Variants in CCDC83 observed in about 807,000 individuals in gnomAD.
CCDC83 encodes coiled-coil domain containing 83, also known as coiled-coil domain-containing protein 83.
In CCDC83, 54 loss-of-function variants were observed where a neutral mutation model predicts 50.1. The observed-to-expected ratio is 1.08, with a 90% CI of 0.87 to 1.35. The LOEUF (loss-of-function observed/expected upper bound fraction) is 1.35, where lower values mean the gene tolerates loss of function less well. Ranked by LOEUF, CCDC83 falls within the 40% of genes most tolerant of loss-of-function variation. CCDC83 has a pLI of 0.00. For synonymous variants in CCDC83, 161 were observed against 153.3 expected, an observed-to-expected ratio of 1.05 and a Z score of -0.37; for missense variants, 518 against 473.9, an observed-to-expected ratio of 1.09 and a Z score of -0.86.
At chr11:85,886,142 G>A in intron 4 of CCDC83, 58 bp from the exon 5 acceptor site, 1 of 1,334,928 alleles carries the variant, frequency 7.5e-7, no homozygotes, top group Non-Finnish European at 9.9e-7. Flanking sequence ...AAACCAGATT[G>A]CAACATATAA....
intron 5 of CCDC83, among the ~76,000 whole-genome samples, chr11:85,894,795 T>C (rs1327980530): frequency 6.6e-6 from 1 of 152,244 alleles, no homozygotes; most frequent in Non-Finnish European, 1.5e-5. Flanking sequence ...TCCAGCTTTC[T>C]TATTCTCCAC....
At chr11:85,877,210 C>T (rs973403483) in intron 3 of CCDC83, among the ~76,000 whole-genome samples, 4 of 152,156 alleles carry the variant, frequency 2.6e-5, no homozygotes, top group Admixed American at 1.3e-4. Context: ...TGGCTCATGC[C>T]TGTAATCCCA....
intron 7 of CCDC83, among the ~76,000 whole-genome samples, chr11:85,903,108 CTA>C (rs2093409527): frequency 6.6e-6 from 1 of 151,804 alleles, no homozygotes; most frequent in Admixed American, 6.6e-5. Context: ...TTGTGGGCAC[CTA>C]TAATCCCAGC....
chr11:85,905,221 T>C (rs1382551157), intron 7 of CCDC83, among the ~76,000 whole-genome samples: 3 of 151,568 alleles, frequency 2.0e-5, no homozygotes, highest in African/African-American at 7.3e-5. Context: ...GGTGAGAGGA[T>C]CACCTGAAGT....
chr11:85,862,437 G>T (rs1264349701), intron 1 of CCDC83, among the ~76,000 whole-genome samples: 1 of 152,150 alleles, frequency 6.6e-6, no homozygotes, highest in Non-Finnish European at 1.5e-5. Flanking sequence ...GCATGATTTT[G>T]CAATGAATTT....
Position 85,911,353 on chromosome 11 carries a change from C to T in CCDC83, c.745C>T (p.Leu249Phe), listed in dbSNP as rs764178619. 1.1e-5 allele frequency: 17 copies of T among 1,611,392 alleles called. 1 individual carries two copies. In the East Asian group the frequency reaches 3.4e-4, roughly 32 times the overall value. ...IHELEAENLVLIDQLSNCRLV... is the reference protein window; with the variant it reads ...IHELEAENLVFIDQLSNCRLV... The stretch of plus-strand genomic sequence containing the variant: ...TGAACTGGAAGCAGAAAATTTGGTG[C>T]TTATTGATCAACTATCCAACTGTAG... The change falls in exon 8 of 11, where the codon CTT becomes TTT. Residue 249 changes from leucine (L) to phenylalanine (F), a missense_variant. Physicochemically the swap from Leu to Phe is conservative, Grantham distance 22. Transcript: ENST00000342404.
At chr11:85,857,024 G>T (rs1338359963) in intron 1 of CCDC83, among the ~76,000 whole-genome samples, 1 of 152,144 alleles carries the variant, frequency 6.6e-6, no homozygotes, top group East Asian at 1.9e-4. Context: ...CATACCCCCA[G>T]TGCCTGTCCC....
intron 2 of CCDC83, among the ~76,000 whole-genome samples, chr11:85,865,850 T>G (rs1385931682): frequency 6.7e-6 from 1 of 149,998 alleles, no homozygotes; most frequent in East Asian, 2.0e-4. Context: ...ATCATGCCAC[T>G]GCACTCCAGC....
At chr11:85,880,692 T>C (rs1377707106) in intron 3 of CCDC83, among the ~76,000 whole-genome samples, 2 of 152,072 alleles carry the variant, frequency 1.3e-5, no homozygotes, top group Non-Finnish European at 2.9e-5. Context: ...TTCTTTATTT[T>C]CATCACATAA....
At chr11:85,859,290 T>G (rs947237738) in intron 1 of CCDC83, among the ~76,000 whole-genome samples, 1 of 151,492 alleles carries the variant, frequency 6.6e-6, no homozygotes, top group Non-Finnish European at 1.5e-5. Flanking sequence ...AAACATTCAA[T>G]GTCATTTTTC....
At chr11:85,881,879 A>C (rs1167350300) in intron 3 of CCDC83, among the ~76,000 whole-genome samples, 1 of 152,170 alleles carries the variant, frequency 6.6e-6, no homozygotes, top group African/African-American at 2.4e-5. Flanking sequence ...CTTTCTGCTT[A>C]TCTTGTTTGG....
At chr11:85,886,123 A>T in intron 4 of CCDC83, 77 bp from the exon 5 acceptor site, 1 of 1,154,638 alleles carries the variant, frequency 8.7e-7, no homozygotes, top group Non-Finnish European at 1.2e-6. Flanking sequence ...ATCAGATCTT[A>T]ACTTCTTAAA....
At chr11:85,890,689 G>A (rs897094354) in intron 5 of CCDC83, among the ~76,000 whole-genome samples, 11 of 152,220 alleles carry the variant, frequency 7.2e-5, no homozygotes, top group East Asian at 5.8e-4. Flanking sequence ...CTTTCTTACC[G>A]TTTTCCATGT....
chr11:85,915,592 T>C, intron 9 of CCDC83, 94 bp downstream of exon 9: 2 of 811,932 alleles, frequency 2.5e-6, no homozygotes, highest in Non-Finnish European at 3.9e-6. Context: ...GTGCCCCACA[T>C]ACAAAAGCTA....
chr11:85,902,562 G>A (rs1297365383), intron 7 of CCDC83, among the ~76,000 whole-genome samples: 1 of 152,132 alleles, frequency 6.6e-6, no homozygotes, highest in African/African-American at 2.4e-5. Context: ...AACCAGCTGT[G>A]CAACCGGTGC....
intron 7 of CCDC83, among the ~76,000 whole-genome samples, chr11:85,908,396 C>CA (rs368967167): frequency 1.5e-3 from 224 of 151,184 alleles, no homozygotes; most frequent in African/African-American, 4.9e-3. Context: ...ACTAAAGATG[C>CA]AAAAAAAATA....
chr11:85,861,197 G>C (rs1566066727), intron 1 of CCDC83, among the ~76,000 whole-genome samples: 2 of 152,360 alleles, frequency 1.3e-5, no homozygotes, highest in East Asian at 1.9e-4. Flanking sequence ...TGAGTACCAT[G>C]AATGGTTTTG....
intron 3 of CCDC83, 135 bp from the exon 4 acceptor site, chr11:85,882,378 T>C (rs2093305024): frequency 2.7e-6 from 2 of 729,196 alleles, no homozygotes; most frequent in Admixed American, 2.4e-5. Context: ...TCATAATGTC[T>C]GATGGAAGTA....
chr11:85,899,743 A>C (rs1442654842), intron 7 of CCDC83, among the ~76,000 whole-genome samples: 2 of 152,160 alleles, frequency 1.3e-5, no homozygotes, highest in Non-Finnish European at 2.9e-5. Flanking sequence ...CTGATAAATA[A>C]TCTGTGCTTA....
Sources: gnomAD v4.1 joint callset for allele counts (sites outside exome capture counted in the v4.1 genomes callset) on GRCh38, gnomAD v4.1.1 for gene constraint, MANE v1.5 for transcripts, NCBI Gene and HGNC (gene_info 2026-07-23, HGNC 2026-07-21) for gene names.